The following SYNPR variants were observed in gnomAD, a reference collection of about 807,000 sequenced individuals.
SYNPR encodes the protein synaptoporin.
A neutral mutation model predicts 32.9 loss-of-function variants in SYNPR; 23 were observed. That is an observed-to-expected ratio of 0.70 (90% confidence interval 0.50 to 0.99). SYNPR has a LOEUF of 0.99. Ranked by LOEUF, SYNPR falls within the 50% of genes least tolerant of loss-of-function variation. The pLI is 0.00. For synonymous variants in SYNPR, 146 were observed against 135.9 expected, an observed-to-expected ratio of 1.07 and a Z score of -0.52; for missense variants, 318 against 349.3, an observed-to-expected ratio of 0.91 and a Z score of 0.71.
At chr3:63,208,356 C>T in the SYNPR span, among the ~76,000 whole-genome samples, 2,694 of 152,240 alleles carry the variant, frequency 0.018, 83 homozygotes, top group African/African-American at 0.061. Flanking sequence ...TGGGCTTCTG[C>T]TGCTCCTCCT....
intron 2 of SYNPR, among the ~76,000 whole-genome samples, chr3:63,409,012 C>A (rs932469277): frequency 1.2e-4 from 18 of 152,078 alleles, no homozygotes; most frequent in African/African-American, 4.1e-4. Context: ...CCCTCTTCCT[C>A]CCTTTTCTAC....
chr3:63,525,891 G>A (rs1421345255), intron 3 of SYNPR, among the ~76,000 whole-genome samples: 1 of 152,160 alleles, frequency 6.6e-6, no homozygotes, highest in Admixed American at 6.5e-5. Flanking sequence ...TGTACAGCCT[G>A]CAGAACCATG....
At position 63,237,477 on chromosome 3, in the gene SYNPR, G is replaced by A. The variant is rs566218012; in HGVS notation, n.66+9097G>A. Among the ~76,000 whole-genome samples the A allele has an allele frequency of 3.1e-4, 47 of 151,938 alleles. 1 individual carries two copies. The highest frequency in any genetic ancestry group is 1.4e-3 in the Admixed American group (21 of 15,242). ...AGAATGTATAATTTGTTGTTACAGC[G>A]TTCTTATGATGACTGCTTTAAAATC... On this transcript the variant is annotated intron_variant and non_coding_transcript_variant, in intron 1 of 4. Transcript: ENST00000478456.
chr3:63,242,657 A>T (rs17067929), intron 1 of SYNPR, among the ~76,000 whole-genome samples: 2,070 of 152,188 alleles, frequency 0.014, 41 homozygotes, highest in African/African-American at 0.047. Flanking sequence ...ACACACAGAA[A>T]TCAGTCTCAG....
chr3:63,268,211 A>T (rs2367776), intron 3 of SYNPR, among the ~76,000 whole-genome samples: 1 of 152,116 alleles, frequency 6.6e-6, no homozygotes, highest in East Asian at 1.9e-4. Context: ...AAGGAAAGTC[A>T]TAGATGACAT....
intron 3 of SYNPR, among the ~76,000 whole-genome samples, chr3:63,269,000 G>A (rs1450599359): frequency 1.3e-5 from 2 of 152,158 alleles, no homozygotes; most frequent in Admixed American, 6.6e-5. Context: ...AGAAATCACT[G>A]AGAAACCATT....
chr3:63,615,683 T>C lies in SYNPR; in HGVS notation c.*202T>C. On this transcript the variant is annotated 3_prime_UTR_variant, in exon 6 of 6. Coordinates refer to ENST00000478300, the MANE Select transcript of SYNPR (RefSeq NM_001130003.2). ...GAGGCGACATGAGGAGATATATTAT[T>C]CATCATAGATGGCTAATTGGAGAGT... 1.6e-6 allele frequency: 1 copy of C among 609,854 alleles called. No individual in the cohort carries two copies. The highest frequency in any genetic ancestry group is 2.7e-6 in the Non-Finnish European group (1 of 367,678). The allele number at this position is 609,854 out of a possible 1,614,324, so 37.8% of individuals were successfully genotyped here.
chr3:63,475,457 A>G (rs910490940), intron 2 of SYNPR, among the ~76,000 whole-genome samples: 2 of 152,190 alleles, frequency 1.3e-5, no homozygotes, highest in Non-Finnish European at 2.9e-5. Flanking sequence ...TTATAATTCT[A>G]CTTGAATGGG....
At chr3:63,541,672 T>C (rs1702306466) in intron 3 of SYNPR, among the ~76,000 whole-genome samples, 1 of 152,158 alleles carries the variant, frequency 6.6e-6, no homozygotes, top group Admixed American at 6.6e-5. Flanking sequence ...TAGTCTTCTT[T>C]AGTTCATATT....
intron 3 of SYNPR, among the ~76,000 whole-genome samples, chr3:63,493,690 C>A (rs1012682464): frequency 6.6e-6 from 1 of 151,858 alleles, no homozygotes; most frequent in East Asian, 1.9e-4. Context: ...GTGGCGCACA[C>A]CTGTAGTCCC....
At chr3:63,587,593 G>A (rs1483029959) in intron 4 of SYNPR, among the ~76,000 whole-genome samples, 1 of 151,780 alleles carries the variant, frequency 6.6e-6, no homozygotes, top group Non-Finnish European at 1.5e-5. Context: ...AATTTTTTCT[G>A]GTTTCCGGGA....
intron 3 of SYNPR, among the ~76,000 whole-genome samples, chr3:63,524,824 AGTGT>A (rs138062730): frequency 0.034 from 4,399 of 129,392 alleles, 82 homozygotes; most frequent in Non-Finnish European, 0.045. Flanking sequence ...TCATAATAGA[AGTGT>A]GTGTGTGTGT....
chr3:63,492,711 T>C (rs1435846651), intron 3 of SYNPR, among the ~76,000 whole-genome samples: 1 of 152,142 alleles, frequency 6.6e-6, no homozygotes, highest in Admixed American at 6.5e-5. Flanking sequence ...AGTCTCACTG[T>C]GTGTAATTTT....
intron 4 of SYNPR, among the ~76,000 whole-genome samples, chr3:63,595,995 A>T (rs1699954135): frequency 1.5e-5 from 2 of 131,830 alleles, no homozygotes; most frequent in African/African-American, 3.1e-5. Flanking sequence ...ATATAGTTTT[A>T]TATATATATA....
intron 2 of SYNPR, among the ~76,000 whole-genome samples, chr3:63,452,517 G>T (rs1219199043): frequency 6.6e-6 from 1 of 152,102 alleles, no homozygotes; most frequent in Non-Finnish European, 1.5e-5. Context: ...GTGAATATTG[G>T]AATGAGGATG....
chr3:63,604,209 T>C (rs1700085298), intron 4 of SYNPR, among the ~76,000 whole-genome samples: 1 of 152,202 alleles, frequency 6.6e-6, no homozygotes, highest in African/African-American at 2.4e-5. Flanking sequence ...TTGTCATTTC[T>C]GATTGTGTTT....
chr3:63,559,219 G>A (rs1702644062), intron 4 of SYNPR, among the ~76,000 whole-genome samples: 1 of 151,624 alleles, frequency 6.6e-6, no homozygotes, highest in Admixed American at 6.6e-5. Flanking sequence ...GGGACTATAG[G>A]CGCACACCAC....
At chr3:63,379,562 T>C (rs1460976370) in intron 2 of SYNPR, among the ~76,000 whole-genome samples, 1 of 152,190 alleles carries the variant, frequency 6.6e-6, no homozygotes, top group Non-Finnish European at 1.5e-5. Context: ...TCTTTGGCCT[T>C]ACATAATGTC....
intron 2 of SYNPR, among the ~76,000 whole-genome samples, chr3:63,288,122 A>C (rs1470126184): frequency 6.6e-6 from 1 of 152,224 alleles, no homozygotes; most frequent in Non-Finnish European, 1.5e-5. Context: ...AAATTATTTT[A>C]GTTTGGACAC....
Sources: allele counts gnomAD v4.1 joint callset (sites outside exome capture counted in the v4.1 genomes callset), GRCh38; gene constraint gnomAD v4.1.1; transcripts MANE v1.5; gene names NCBI Gene and HGNC (gene_info 2026-07-23, HGNC 2026-07-21).